Variants in NRK observed in about 807,000 individuals in gnomAD.
NRK encodes Nik related kinase, also known as nik-related protein kinase.
In NRK, 67 loss-of-function variants were observed where a neutral mutation model predicts 125.2. That is an observed-to-expected ratio of 0.54 (90% confidence interval 0.44 to 0.66). NRK has a LOEUF of 0.66. Among genes scored for constraint, NRK ranks in the 30% least tolerant of loss-of-function variants. The pLI is 0.00. For missense variants in NRK, 1,224 were observed against 1,192.9 expected (o/e 1.03, Z -0.38); for synonymous variants, 458 against 429.0 (o/e 1.07, Z -0.84).
In NRK at chrX:105,923,467, C is replaced by T. The variant is rs1377419941; in HGVS notation, c.2960C>T (p.Ala987Val). 1.4e-5 allele frequency: 16 copies of T among 1,125,011 alleles called. No homozygotes were observed. Among genetic ancestry groups the T allele is most frequent in the Middle Eastern group, 2.4e-4 (1 of 4,087 alleles). The allele number at this position is 1,125,011 out of a possible 1,213,427, so 92.7% of individuals were successfully genotyped here. Residue 987 changes from alanine (A) to valine (V), a missense_variant, in exon 18 of 29, where the codon GCG (alanine) becomes GTG (valine). Ala to Val is a moderately conservative substitution (Grantham distance 64). Transcript: ENST00000243300. ...GATGTAAATAATAATTATTATGAGG[C>T]GCCTAGTTGTCCAAGGTTGGTTTTT... ...VDDVNNNYYE[A>V]PSCPRASYGR...
intron 2 of NRK, among the ~76,000 whole-genome samples, chrX:105,844,980 T>C (rs1053544667): frequency 1.1e-4 from 12 of 111,756 alleles, no homozygotes; most frequent in African/African-American, 3.6e-4. Flanking sequence ...GCCATTTACT[T>C]GCATTTTATA....
intron 8 of NRK, among the ~76,000 whole-genome samples, chrX:105,900,053 C>T (rs952796474): frequency 3.6e-5 from 4 of 110,113 alleles, no homozygotes; most frequent in Admixed American, 2.0e-4. Context: ...GCCCTTTCCA[C>T]ACTCTGAAGA....
intron 4 of NRK, among the ~76,000 whole-genome samples, chrX:105,887,295 A>G (rs964303301): frequency 1.8e-5 from 2 of 112,180 alleles, no homozygotes; most frequent in African/African-American, 3.2e-5. Context: ...ACATTTCTTG[A>G]AGAACATATC....
At chrX:105,941,602 G>T (rs1345546422) in intron 23 of NRK, among the ~76,000 whole-genome samples, 1 of 103,219 alleles carries the variant, frequency 9.7e-6, no homozygotes, top group Non-Finnish European at 1.9e-5. Context: ...AATGCGTAGG[G>T]ATGGCAGAAG....
At chrX:105,845,792 C>T (rs1480627044) in intron 2 of NRK, among the ~76,000 whole-genome samples, 1 of 111,765 alleles carries the variant, frequency 8.9e-6, no homozygotes, top group Non-Finnish European at 1.9e-5. Context: ...ACAGCTGCTA[C>T]TCCTCCCTGC....
In NRK at chrX:105,939,957, C is replaced by G. The variant is rs376434475; in HGVS notation, c.3883C>G (p.Gln1295Glu). 2 of 1,187,318 alleles carry G rather than the reference C, an allele frequency of 1.7e-6. No homozygotes were observed. Among genetic ancestry groups the G allele is most frequent in the African/African-American group, 3.5e-5 (2 of 56,533 alleles). Reference protein sequence around the residue: ...LNNDPESKRRQEEMLKTEEAC... With the variant: ...LNNDPESKRREEEMLKTEEAC... ...TAATGATCCAGAAAGTAAAAGAAGGCAAGAAGAAATGCTGAAGACAGAGGA... is the reference window on the plus strand; with the variant it reads ...TAATGATCCAGAAAGTAAAAGAAGGGAAGAAGAAATGCTGAAGACAGAGGA... The change falls in exon 23 of 29, where the codon CAA becomes GAA. Residue 1295 changes from glutamine (Q) to glutamate (E), a missense_variant. Coordinates refer to ENST00000243300, the MANE Select transcript of NRK (RefSeq NM_198465.4).
intron 12 of NRK, 145 bp downstream of exon 12, chrX:105,908,448 G>A (rs1196260554): frequency 1.4e-5 from 6 of 438,584 alleles, no homozygotes; most frequent in Non-Finnish European, 1.9e-5. Context: ...GATATTGAGT[G>A]AAAATGTGAG....
chrX:105,921,170 T>C (rs2040439496), intron 16 of NRK, among the ~76,000 whole-genome samples: 1 of 108,126 alleles, frequency 9.2e-6, no homozygotes, highest in Non-Finnish European at 1.9e-5. Flanking sequence ...GATGAGTTCA[T>C]GTCCTTTTTA....
chrX:105,872,360 T>C (rs1234176706), intron 2 of NRK, among the ~76,000 whole-genome samples: 1 of 111,943 alleles, frequency 8.9e-6, no homozygotes, highest in East Asian at 2.8e-4. Context: ...CTAAACATCA[T>C]TGATTTGCTT....
In NRK at chrX:105,860,477, A is replaced by G. The variant is rs1180605277; in HGVS notation, c.124-19722A>G. Among the ~76,000 whole-genome samples, 8 of 110,592 alleles carry G rather than the reference A, an allele frequency of 7.2e-5. No homozygotes were observed. In the Admixed American group the frequency reaches 7.7e-4, roughly 11 times the overall value. On this transcript the variant is annotated intron_variant, in intron 2 of 28. Coordinates refer to ENST00000243300, the MANE Select transcript of NRK (RefSeq NM_198465.4). ...AGCTCAGTAGTTTTTAGTGTATACAAAAACAGTGCAACCATGATAACTATT... is the reference window on the plus strand; with the variant it reads ...AGCTCAGTAGTTTTTAGTGTATACAGAAACAGTGCAACCATGATAACTATT...
chrX:105,855,104 G>A (rs1445152185), intron 2 of NRK, among the ~76,000 whole-genome samples: 2 of 111,538 alleles, frequency 1.8e-5, no homozygotes, highest in Non-Finnish European at 3.8e-5. Context: ...CCTTTACCAG[G>A]TCAATCATGA....
At chrX:105,927,983 A>G (rs1458973089) in intron 19 of NRK, among the ~76,000 whole-genome samples, 3 of 111,061 alleles carry the variant, frequency 2.7e-5, no homozygotes, top group Non-Finnish European at 5.7e-5. Context: ...TCTGGTTTTG[A>G]GATCAGAGTC....
At chrX:105,831,768 G>A (rs1413894691) in intron 2 of NRK, among the ~76,000 whole-genome samples, 2 of 111,290 alleles carry the variant, frequency 1.8e-5, no homozygotes, top group African/African-American at 6.5e-5. Flanking sequence ...CATTACATAA[G>A]TAAGCACACA....
chrX:105,954,206 T>C (rs2040942366), intron 28 of NRK, among the ~76,000 whole-genome samples: 1 of 111,434 alleles, frequency 9.0e-6, no homozygotes, highest in South Asian at 3.8e-4. Flanking sequence ...GACTAGCATA[T>C]CTTTTAAAAA....
At chrX:105,928,527 A>G (rs2040553760) in intron 19 of NRK, among the ~76,000 whole-genome samples, 1 of 110,226 alleles carries the variant, frequency 9.1e-6, no homozygotes. Flanking sequence ...ATTTCTATTA[A>G]TTTGGGGTTT....
At chrX:105,950,872 A>G (rs1478260147) in intron 27 of NRK, among the ~76,000 whole-genome samples, 1 of 110,724 alleles carries the variant, frequency 9.0e-6, no homozygotes. Flanking sequence ...GAGAAGGCAG[A>G]TGCTTCTGAG....
intron 16 of NRK, 92 bp downstream of exon 16, chrX:105,917,764 A>C (rs2040385492): frequency 1.7e-5 from 8 of 479,325 alleles, no homozygotes; most frequent in Non-Finnish European, 2.7e-5. Context: ...AATTTCAAGA[A>C]GGAATGAATC....
intron 2 of NRK, among the ~76,000 whole-genome samples, chrX:105,850,063 C>T (rs1317424926): frequency 1.8e-5 from 2 of 112,417 alleles, no homozygotes; most frequent in South Asian, 3.7e-4. Context: ...GGCCCCACCC[C>T]TGCGGCAAAC....
intron 4 of NRK, among the ~76,000 whole-genome samples, chrX:105,882,694 T>G (rs2039898682): frequency 9.0e-6 from 1 of 110,989 alleles, no homozygotes; most frequent in African/African-American, 3.3e-5. Flanking sequence ...CTAGTTATAT[T>G]AGAAAGATAT....
Sources: gnomAD v4.1 joint callset for allele counts (sites outside exome capture counted in the v4.1 genomes callset) on GRCh38, gnomAD v4.1.1 for gene constraint, MANE v1.5 for transcripts, NCBI Gene and HGNC (gene_info 2026-07-23, HGNC 2026-07-21) for gene names.